DEPDC1: variants seen among roughly 807,000 people sequenced by gnomAD.
DEPDC1 encodes the protein DEP domain containing 1.
DEPDC1 carries 66 observed loss-of-function variants against 86.8 expected under a neutral mutation model. The observed-to-expected ratio is 0.76, with a 90% CI of 0.62 to 0.93. The LOEUF is 0.93. Ranked by LOEUF, DEPDC1 falls within the 40% of genes least tolerant of loss-of-function variation. DEPDC1 has a pLI of 0.00. For missense variants in DEPDC1, 792 were observed against 935.7 expected, an observed-to-expected ratio of 0.85 and a Z score of 2.00; for synonymous variants, 255 against 314.9, an observed-to-expected ratio of 0.81 and a Z score of 2.02.
Position 68,494,497 on chromosome 1 carries a change from G to C in DEPDC1, c.247C>G (p.His83Asp). 1 of 1,613,626 alleles carries C rather than the reference G, an allele frequency of 6.2e-7. No homozygotes were observed. The change falls in exon 2 of 12, where the codon CAT becomes GAT. Residue 83 changes from histidine (H) to aspartate (D), a missense_variant. By Grantham distance (81) the His-to-Asp change is moderately conservative. Coordinates refer to ENST00000456315, the MANE Select transcript of DEPDC1 (RefSeq NM_001114120.3). Reference sequence around the variant, plus strand: ...CTCCCTTTGATATCTTCAATTACATGATTCTTAAGAAATTTCCTCAACAGT... The same window carrying C: ...CTCCCTTTGATATCTTCAATTACATCATTCTTAAGAAATTTCCTCAACAGT... Reference protein sequence around the residue: ...IQLLRKFLKNHVIEDIKGRWG... With the variant: ...IQLLRKFLKNDVIEDIKGRWG...
Position 68,482,312 on chromosome 1 carries a change from T to A in DEPDC1, c.1496A>T (p.Asn499Ile), listed in dbSNP as rs1359562345. Residue 499 changes from asparagine (N) to isoleucine (I), a missense_variant, in exon 8 of 12, where the codon AAT becomes ATT. Coordinates refer to ENST00000456315, the MANE Select transcript of DEPDC1 (RefSeq NM_001114120.3). Reference protein sequence around the residue: ...LTVQDQEELCNGKCKSKQLCR... With the variant: ...LTVQDQEELCIGKCKSKQLCR... Reference sequence around the variant, plus strand: ...AAGCTGTTTTGACTTGCATTTCCCATTACACAACTCCTCTTGGTCTTGAAC... The same window carrying A: ...AAGCTGTTTTGACTTGCATTTCCCAATACACAACTCCTCTTGGTCTTGAAC... 6.2e-7 allele frequency: 1 copy of A among 1,612,782 alleles called. No homozygotes were observed. The highest frequency in any genetic ancestry group is 8.5e-7 in the Non-Finnish European group (1 of 1,179,292).
rs1176509918 is a variant in DEPDC1 at position 68,494,513 on chromosome 1, C to T, written c.231G>A (p.Arg77=). The T allele has an allele frequency of 6.2e-7, 1 of 1,613,736 alleles. No homozygotes were observed. The highest frequency in any genetic ancestry group is 2.2e-5 in the East Asian group (1 of 44,824). ...VTRQQTIQLL[R]KFLKNHVIED... ...CAATTACATGATTCTTAAGAAATTT[C>T]CTCAACAGTTGGATAGTCTGTTGCC... Residue 77 remains arginine, a synonymous_variant, in exon 2 of 12, where the codon AGG becomes AGA. Transcript: ENST00000456315.
chr1:68,483,688 T>G, intron 7 of DEPDC1: 1 of 297,320 alleles, frequency 3.4e-6, no homozygotes, highest in South Asian at 5.4e-5. Flanking sequence ...TATAATAAAC[T>G]AATAGTCATA....
intron 2 of DEPDC1, among the ~76,000 whole-genome samples, chr1:68,492,697 A>C (rs939679120): frequency 2.0e-5 from 3 of 152,214 alleles, no homozygotes; most frequent in African/African-American, 7.2e-5. Context: ...CAGGTAAAAC[A>C]AAAGCAAAAC....
Position 68,477,956 on chromosome 1 carries a change from T to C in DEPDC1, c.2129A>G (p.Asp710Gly), listed in dbSNP as rs1286961969. The change falls in exon 11 of 12, where the codon GAT becomes GGT. Residue 710 changes from aspartate to glycine, a missense_variant. Physicochemically the swap from Asp to Gly is moderately conservative, Grantham distance 94. Transcript: ENST00000456315. ...AGTTGGCAAAGGAGCAAATAGTCCATCTCCAGGATTTTCAATCTGTAGTGA... is the reference window on the plus strand; with the variant it reads ...AGTTGGCAAAGGAGCAAATAGTCCACCTCCAGGATTTTCAATCTGTAGTGA... Reference protein sequence around the residue: ...LKKGHIENPGDGLFAPLPTYS... With the variant: ...LKKGHIENPGGGLFAPLPTYS... The C allele has an allele frequency of 1.3e-6, 2 of 1,543,248 alleles. No homozygotes were observed. The highest frequency in any genetic ancestry group is 1.7e-6 in the Non-Finnish European group (2 of 1,146,192).
Position 68,496,954 on chromosome 1 carries a change from G to T in DEPDC1, c.46C>A (p.Leu16Met). The T allele has an allele frequency of 6.2e-7, 1 of 1,612,124 alleles. No homozygotes were observed. Among genetic ancestry groups the T allele is most frequent in the Non-Finnish European group, 8.5e-7 (1 of 1,178,980 alleles). ...CCCGTCTATCCGAGCTGTCTTACCA[G>T]CTTGGTGGCCCGATAAGGCCCGGGA... ...VPPGPYRATKLWNEVTTSFRA... is the reference protein window; with the variant it reads ...VPPGPYRATKMWNEVTTSFRA... Residue 16 changes from leucine to methionine, a missense_variant and splice_region_variant, in exon 1 of 12, where the codon CTG becomes ATG. By Grantham distance (15) the Leu-to-Met change is conservative. Coordinates refer to ENST00000456315, the MANE Select transcript of DEPDC1 (RefSeq NM_001114120.3). The surrounding 1 kb of genome is among the most constrained non-coding windows in gnomAD (Gnocchi z 4.0).
Position 68,488,909 on chromosome 1 carries a change from A to T in DEPDC1, c.590+7T>A. ...AGGAACTTCATTAAAGCTTAATTTT[A>T]TCTTACTAGATCAGAATAACATATC... On this transcript the variant is annotated splice_region_variant and intron_variant, in intron 4 of 11. Transcript: ENST00000456315. The T allele has an allele frequency of 6.7e-7, 1 of 1,499,888 alleles. No individual in the cohort carries two copies. 92.9% of individuals were successfully genotyped at this position (1,499,888 alleles called of 1,614,324 possible).
rs1269236924 is a variant in DEPDC1, at chr1:68,475,510, GTAA to G, written c.*1419_*1421del. The stretch of plus-strand genomic sequence containing the variant: ...CTGTCCAGGTTTTTAATAAAAATCA[GTAA>G]TGTTAAATGGAATACTATCATTTTA... On this transcript the variant is annotated 3_prime_UTR_variant, in exon 12 of 12. Coordinates refer to ENST00000456315, the MANE Select transcript of DEPDC1 (RefSeq NM_001114120.3). 1 of 151,722 alleles carries G rather than the reference GTAA, an allele frequency of 6.6e-6. No homozygotes were observed. The highest frequency in any genetic ancestry group is 1.5e-5 in the Non-Finnish European group (1 of 67,846). The allele number at this position is 151,722 out of a possible 1,614,324, so 9.4% of individuals were successfully genotyped here. A position where few individuals can be genotyped will look rare whatever the true frequency, so the allele number is the denominator to read the frequency against.
At chr1:68,477,763 T>C (rs368483751) in intron 11 of DEPDC1, 24 bp downstream of exon 11, 17 of 1,400,122 alleles carry the variant, frequency 1.2e-5, no homozygotes, top group Non-Finnish European at 1.5e-5. Flanking sequence ...GTTTACATGA[T>C]TGAGAACTTG....
intron 2 of DEPDC1, among the ~76,000 whole-genome samples, chr1:68,493,741 A>C (rs1646244324): frequency 6.6e-6 from 1 of 152,204 alleles, no homozygotes; most frequent in South Asian, 2.1e-4. Flanking sequence ...TTTTTGAGAT[A>C]GTCTTGCTCT....
rs1557621310 is a variant in DEPDC1, at chr1:68,488,523, ATTAACT to A, written c.591-25_591-20del. 1.3e-6 allele frequency: 2 copies of A among 1,587,328 alleles called. No homozygotes were observed. Among genetic ancestry groups the A allele is most frequent in the Non-Finnish European group, 1.7e-6 (2 of 1,166,970 alleles). On this transcript the variant is annotated intron_variant, in intron 4 of 11. Coordinates refer to ENST00000456315, the MANE Select transcript of DEPDC1 (RefSeq NM_001114120.3). ...TTGCAGGCTAAATAGAAGAAAGAAT[ATTAACT>A]TTTTTTCTTCATAAATAGATTATAC...
intron 6 of DEPDC1, among the ~76,000 whole-genome samples, chr1:68,484,955 T>TA (rs57575879): frequency 5.0e-4 from 75 of 149,072 alleles, no homozygotes; most frequent in Non-Finnish European, 9.7e-4. Flanking sequence ...TATATATATA[T>TA]TTTTTAAAGA....
At chr1:68,487,133 A>C in intron 5 of DEPDC1, 149 bp from the exon 6 acceptor site, 1 of 601,172 alleles carries the variant, frequency 1.7e-6, no homozygotes, top group Non-Finnish European at 2.6e-6. Context: ...CCAGGATTAA[A>C]AAGTATTATA....
At chr1:68,481,855 A>C in intron 8 of DEPDC1, 191 bp downstream of exon 8, 1 of 651,762 alleles carries the variant, frequency 1.5e-6, no homozygotes. Context: ...ATGAAATTGC[A>C]AAAAAGAAAA....
intron 11 of DEPDC1, among the ~76,000 whole-genome samples, chr1:68,477,289 G>C (rs1012796073): frequency 6.6e-6 from 1 of 151,244 alleles, no homozygotes; most frequent in East Asian, 1.9e-4. Context: ...TTTCTCTTCC[G>C]ATGTTAATTC....
chr1:68,489,601 C>T lies in DEPDC1; in HGVS notation c.322G>A (p.Ala108Thr). 1 of 1,532,380 alleles carries T rather than the reference C, an allele frequency of 6.5e-7. No individual in the cohort carries two copies. Among genetic ancestry groups the T allele is most frequent in the South Asian group, 1.3e-5 (1 of 75,110 alleles). 94.9% of individuals were successfully genotyped at this position (1,532,380 alleles called of 1,614,324 possible). The change falls in exon 3 of 12, where the codon GCA (alanine) becomes ACA (threonine). Residue 108 changes from alanine (A) to threonine (T), a missense_variant. Ala to Thr is a moderately conservative substitution (Grantham distance 58). Transcript: ENST00000456315. ...GGTAGAGTTTTAAGTGGCGAAGTTG[C>T]AGGAAATCTGGTTTAAAAACAATAA... ...DDNNQLFRFPATSPLKTLPRR... is the reference protein window; with the variant it reads ...DDNNQLFRFPTTSPLKTLPRR...
In DEPDC1 at chr1:68,479,257, G is replaced by GAAGCTCATC. The variant is rs753657036; in HGVS notation, c.1990_1998dup (p.Asp664_Leu666dup). The GAAGCTCATC allele has an allele frequency of 1.9e-6, 3 of 1,612,504 alleles. No individual in the cohort carries two copies. In the African/African-American group the frequency reaches 4.0e-5, roughly 22 times the overall value. ...AAGAAAGAAACTAATCTTCCAGCAA[G>GAAGCTCATC]AAGCTCATCAAGATCCACTTCTTCA... On this transcript the variant is annotated inframe_insertion, in exon 10 of 12. Transcript: ENST00000456315.
chr1:68,489,427 A>G (rs1486452206), intron 3 of DEPDC1, 25 bp downstream of exon 3: 1 of 1,384,990 alleles, frequency 7.2e-7, no homozygotes, highest in Non-Finnish European at 9.6e-7. Flanking sequence ...TATTTAAACT[A>G]GTAATTAGTA....
At chr1:68,494,826 T>G in intron 1 of DEPDC1, 131 bp from the exon 2 acceptor site, 1 of 810,912 alleles carries the variant, frequency 1.2e-6, no homozygotes, top group Non-Finnish European at 1.9e-6. Flanking sequence ...TGAAGAATCA[T>G]TCATCTTATT....
Sources: gnomAD v4.1 joint callset for allele counts (sites outside exome capture counted in the v4.1 genomes callset) on GRCh38, gnomAD v4.1.1 for gene constraint, Gnocchi (gnomAD v3.1) non-coding constraint, MANE v1.5 for transcripts, NCBI Gene and HGNC (gene_info 2026-07-23, HGNC 2026-07-21) for gene names.